The following GRID1 variants were observed in gnomAD, a reference collection of about 807,000 sequenced individuals.
GRID1 encodes the protein glutamate receptor ionotropic, delta-1.
Under a neutral mutation model 98.0 loss-of-function variants are expected in GRID1, and 28 were observed. The ratio of observed to expected loss-of-function variants is 0.29; its 90% CI spans 0.21 to 0.39. The LOEUF (loss-of-function observed/expected upper bound fraction) is 0.39. GRID1 is among the 10% of genes least tolerant of loss of function. GRID1 has a pLI of 1.00. For synonymous variants in GRID1, 553 were observed against 538.5 expected (o/e 1.03, Z -0.37); for missense variants, 1,111 against 1,340.5 (o/e 0.83, Z 2.67).
intron 8 of GRID1, among the ~76,000 whole-genome samples, chr10:85,756,923 T>C (rs897809082): frequency 3.3e-5 from 5 of 152,216 alleles, no homozygotes; most frequent in Non-Finnish European, 7.3e-5. Context: ...ACTGATTCCC[T>C]GTACAATGCG....
At chr10:86,344,618 A>C (rs1848356685) in intron 2 of GRID1, among the ~76,000 whole-genome samples, 2 of 152,220 alleles carry the variant, frequency 1.3e-5, no homozygotes, top group South Asian at 4.1e-4. Flanking sequence ...TTTTGGAGCC[A>C]AAGTACACTT....
chr10:85,910,800 C>T (rs759572815), intron 5 of GRID1, among the ~76,000 whole-genome samples: 3 of 152,210 alleles, frequency 2.0e-5, no homozygotes, highest in African/African-American at 7.2e-5. Flanking sequence ...TGCATCAATT[C>T]CCCAACACAG....
chr10:85,650,619 G>C lies in GRID1; in HGVS notation c.1998-3222C>G, dbSNP rs367806926. On this transcript the variant is annotated intron_variant, in intron 12 of 15. Coordinates refer to ENST00000327946, the MANE Select transcript of GRID1 (RefSeq NM_017551.3). The stretch of plus-strand genomic sequence containing the variant: ...CAATATGAGATATATTAAAATACAG[G>C]TCTGTATGGGGGATCCCAGAAGCAC... 2.6e-4 allele frequency among the ~76,000 whole-genome samples: 40 copies of C among 152,296 alleles called. 1 individual carries two copies. The South Asian group carries it at 5.0e-3, about 19-fold the overall frequency.
intron 4 of GRID1, among the ~76,000 whole-genome samples, chr10:86,107,798 A>G (rs1295180691): frequency 6.6e-6 from 1 of 152,176 alleles, no homozygotes; most frequent in Non-Finnish European, 1.5e-5. Flanking sequence ...ACTGACCAGC[A>G]GAACAACGCA....
At chr10:85,657,295 C>T (rs2132564940) in intron 12 of GRID1, among the ~76,000 whole-genome samples, 1 of 152,264 alleles carries the variant, frequency 6.6e-6, no homozygotes, top group South Asian at 2.1e-4. Context: ...CAGAATAGGA[C>T]TTGGCTGTTT....
At chr10:86,135,448 T>C (rs1416420727) in intron 4 of GRID1, among the ~76,000 whole-genome samples, 6 of 152,128 alleles carry the variant, frequency 3.9e-5, no homozygotes, top group East Asian at 1.9e-4. Context: ...TCCGGAGACC[T>C]GAGTTCTATC....
chr10:86,123,973 T>C (rs1475776814), intron 4 of GRID1, among the ~76,000 whole-genome samples: 2 of 152,154 alleles, frequency 1.3e-5, no homozygotes, highest in African/African-American at 4.8e-5. Context: ...GAGCCCAGAA[T>C]GAGGCTGCCA....
intron 3 of GRID1, among the ~76,000 whole-genome samples, chr10:86,168,383 T>C (rs1429109483): frequency 6.6e-6 from 1 of 152,018 alleles, no homozygotes; most frequent in East Asian, 1.9e-4. Context: ...AAAGTGAAAC[T>C]CGCCCGCCCT....
In GRID1 at chr10:85,854,532, A is replaced by G; in HGVS notation, c.1197T>C (p.Thr399=). 3 of 1,613,630 alleles carry G rather than the reference A, an allele frequency of 1.9e-6. 1 individual carries two copies. The highest frequency in any genetic ancestry group is 2.2e-5 in the South Asian group (2 of 91,080). The change falls in exon 8 of 16, where the codon ACT becomes ACC. Residue 399 remains threonine, a synonymous_variant. Transcript: ENST00000327946. ...NPYVQFEILG[T]TYSETFGKDM... Reference sequence around the variant, plus strand: ...CTTTGCCAAAAGTCTCACTATAGGTAGTGCCAAGGATTTCAAACTGGACAT... The same window carrying G: ...CTTTGCCAAAAGTCTCACTATAGGTGGTGCCAAGGATTTCAAACTGGACAT...
intron 2 of GRID1, among the ~76,000 whole-genome samples, chr10:86,294,422 G>A (rs1026411497): frequency 6.6e-6 from 1 of 152,212 alleles, no homozygotes; most frequent in Non-Finnish European, 1.5e-5. Context: ...AGTGGGACAG[G>A]GCGGAGGCAG....
intron 4 of GRID1, among the ~76,000 whole-genome samples, chr10:85,924,255 C>T (rs1183793347): frequency 6.6e-6 from 1 of 152,180 alleles, no homozygotes; most frequent in Non-Finnish European, 1.5e-5. Flanking sequence ...AAACAAAACC[C>T]ATGCATATGG....
intron 8 of GRID1, among the ~76,000 whole-genome samples, chr10:85,784,841 T>C (rs773718531): frequency 5.3e-4 from 81 of 152,246 alleles, no homozygotes; most frequent in Non-Finnish European, 9.6e-4. Flanking sequence ...GGGCTAACTA[T>C]GGAATAGTGT....
At chr10:86,103,469 A>G (rs997093610) in intron 4 of GRID1, among the ~76,000 whole-genome samples, 6 of 152,180 alleles carry the variant, frequency 3.9e-5, no homozygotes, top group African/African-American at 1.4e-4. Flanking sequence ...ACATTATGCC[A>G]TGTAAGGAGG....
In GRID1 at chr10:85,613,655, A is replaced by G. The variant is rs368035780; in HGVS notation, c.2361-8T>C. 47 of 1,611,520 alleles carry G rather than the reference A, an allele frequency of 2.9e-5. No individual in the cohort carries two copies. Among genetic ancestry groups the G allele is most frequent in the Non-Finnish European group, 3.7e-5 (44 of 1,178,254 alleles). ...TCCTGCAGCTCCAGGATCCTGTAAG[A>G]CACAATCAAGGTGAGCTATAGCCAC... is the stretch of plus-strand genomic sequence containing the variant. On this transcript the variant is annotated splice_polypyrimidine_tract_variant and splice_region_variant and intron_variant, in intron 14 of 15. Coordinates refer to ENST00000327946, the MANE Select transcript of GRID1 (RefSeq NM_017551.3).
At chr10:86,348,131 G>C (rs566244648) in intron 2 of GRID1, among the ~76,000 whole-genome samples, 63 of 152,338 alleles carry the variant, frequency 4.1e-4, no homozygotes, top group Non-Finnish European at 1.5e-5. Context: ...CATGCAGTAT[G>C]TGTGTGCAGG....
Position 85,958,823 on chromosome 10 carries a change from G to A in GRID1, c.727-42584C>T, listed in dbSNP as rs558269462. ...AAATACAAAGTTAGCCAGGCATGAT[G>A]GCACATGCCTGTAATCCCAGCTACT... On this transcript the variant is annotated intron_variant, in intron 4 of 15. Coordinates refer to ENST00000327946, the MANE Select transcript of GRID1 (RefSeq NM_017551.3). 3.9e-5 allele frequency among the ~76,000 whole-genome samples: 6 copies of A among 152,126 alleles called. No individual in the cohort carries two copies. In the South Asian group the frequency reaches 1.2e-3, roughly 32 times the overall value.
intron 13 of GRID1, among the ~76,000 whole-genome samples, chr10:85,634,820 T>G (rs1325937591): frequency 6.6e-6 from 1 of 151,968 alleles, no homozygotes; most frequent in Admixed American, 6.6e-5. Context: ...CTTCTTGATT[T>G]TAATGTAATC....
At chr10:85,722,458 C>G (rs1841714636) in intron 12 of GRID1, among the ~76,000 whole-genome samples, 1 of 152,062 alleles carries the variant, frequency 6.6e-6, no homozygotes, top group African/African-American at 2.4e-5. Flanking sequence ...AGTTATTTCG[C>G]TATATTGAGC....
At chr10:86,184,696 C>T (rs925045768) in intron 3 of GRID1, among the ~76,000 whole-genome samples, 2 of 151,858 alleles carry the variant, frequency 1.3e-5, no homozygotes, top group Non-Finnish European at 2.9e-5. Context: ...GAAGCTATAA[C>T]TTTGAAAAAC....
Sources: allele counts gnomAD v4.1 joint callset (sites outside exome capture counted in the v4.1 genomes callset), GRCh38; gene constraint gnomAD v4.1.1; transcripts MANE v1.5; gene names NCBI Gene and HGNC (gene_info 2026-07-23, HGNC 2026-07-21).